Variants in CREBBP observed in about 807,000 individuals in gnomAD.
CREBBP encodes CREB binding lysine acetyltransferase.
Under a neutral mutation model 265.0 loss-of-function variants are expected in CREBBP, and 19 were observed. That is an observed-to-expected ratio of 0.07 (90% CI 0.05 to 0.11). The LOEUF is 0.11. Ranked by LOEUF, CREBBP falls within the 10% of genes least tolerant of loss-of-function variation. The probability of loss-of-function intolerance (pLI) is 1.00; values close to 1 mark genes in which losing one functional copy is unlikely to be tolerated. For missense variants in CREBBP, 2,525 were observed against 3,219.0 expected, an observed-to-expected ratio of 0.78 and a Z score of 5.22; for synonymous variants, 1,457 against 1,223.7, an observed-to-expected ratio of 1.19 and a Z score of -3.98.
intron 16 of CREBBP, among the ~76,000 whole-genome samples, chr16:3,763,123 T>C (rs1197106337): frequency 6.6e-6 from 1 of 151,938 alleles, no homozygotes; most frequent in Non-Finnish European, 1.5e-5. Context: ...CCTAGGCCCT[T>C]CTATGTGCTG....
chr16:3,777,415 G>C (rs1038805586), intron 11 of CREBBP, among the ~76,000 whole-genome samples, 198 bp downstream of exon 11: 10 of 152,102 alleles, frequency 6.6e-5, no homozygotes, highest in Non-Finnish European at 1.2e-4. Context: ...TCTCTTGGAA[G>C]ATCTTTCCTA....
intron 2 of CREBBP, among the ~76,000 whole-genome samples, chr16:3,828,251 C>A (rs777123615): frequency 6.6e-6 from 1 of 152,152 alleles, no homozygotes; most frequent in Non-Finnish European, 1.5e-5. Flanking sequence ...TGCCACCATG[C>A]CCAGCTAATT....
Position 3,738,743 on chromosome 16 carries a change from A to C in CREBBP, c.4281-71T>G, listed in dbSNP as rs188191441. 2.7e-4 allele frequency: 265 copies of C among 974,588 alleles called. No homozygotes were observed. In the African/African-American group the frequency reaches 3.5e-3, roughly 13 times the overall value. The allele number at this position is 974,588 out of a possible 1,614,324, so 60.4% of individuals were successfully genotyped here. A position where few individuals can be genotyped will look rare whatever the true frequency, so the allele number is the denominator to read the frequency against. On this transcript the variant is annotated intron_variant, in intron 25 of 30. Coordinates refer to ENST00000262367, the MANE Select transcript of CREBBP (RefSeq NM_004380.3). ...TGAAATCAAACACAAGCAACAAACAACACCCTGGAAGTTTACTTTTTAGAC... is the reference window on the plus strand; with the variant it reads ...TGAAATCAAACACAAGCAACAAACACCACCCTGGAAGTTTACTTTTTAGAC...
At chr16:3,784,577 T>C (rs1231314258) in intron 5 of CREBBP, 3 of 152,226 alleles carry the variant, frequency 2.0e-5, no homozygotes, top group African/African-American at 7.2e-5. Context: ...AGTGGTAGGA[T>C]AGTTTATTTT....
chr16:3,727,903 A>G lies in CREBBP; in HGVS notation c.7144T>C (p.Ser2382Pro). The G allele has an allele frequency of 6.2e-7, 1 of 1,612,288 alleles. No homozygotes were observed. The highest frequency in any genetic ancestry group is 8.5e-7 in the Non-Finnish European group (1 of 1,179,028). ...SPHHVSPQTGSPHPGLAVTMA... is the reference protein window; with the variant it reads ...SPHHVSPQTGPPHPGLAVTMA... ...GTGACTGCGAGTCCGGGGTGGGGGG[A>G]ACCAGTCTGGGGTGAGACGTGGTGT... is the stretch of plus-strand genomic sequence containing the variant. Residue 2382 changes from serine to proline, a missense_variant, in exon 31 of 31, where the codon TCC becomes CCC. Transcript: ENST00000262367.
At position 3,727,506 on chromosome 16, in the gene CREBBP, CA is replaced by C. The variant is rs949249041; in HGVS notation, c.*211del. 1.7e-4 allele frequency: 24 copies of C among 140,714 alleles called. No homozygotes were observed. The highest frequency in any genetic ancestry group is 2.8e-4 in the South Asian group (1 of 3,616). The allele number at this position is 140,714 out of a possible 1,614,324, so 8.7% of individuals were successfully genotyped here. ...AAAAGAACCCCCCCCACCCCCCCGC[CA>C]AAAAAAAACCAAAGAGAGAGACCAG... is the stretch of plus-strand genomic sequence containing the variant. On this transcript the variant is annotated 3_prime_UTR_variant, in exon 31 of 31. Coordinates refer to ENST00000262367, the MANE Select transcript of CREBBP (RefSeq NM_004380.3).
At chr16:3,739,527 T>G in intron 25 of CREBBP, 51 bp downstream of exon 25, 10 of 1,611,648 alleles carry the variant, frequency 6.2e-6, no homozygotes, top group Non-Finnish European at 8.5e-6. Flanking sequence ...CCCTGGTCTA[T>G]CCTAACACGG....
chr16:3,739,339 G>T (rs1259310887), intron 25 of CREBBP: 13 of 555,018 alleles, frequency 2.3e-5, no homozygotes, highest in Non-Finnish European at 3.9e-5. Flanking sequence ...CCTGCGTTAG[G>T]TAAGAGCGGG....
chr16:3,728,322 G>T lies in CREBBP; in HGVS notation c.6725C>A (p.Pro2242Gln), dbSNP rs146514877. The T allele has an allele frequency of 6.2e-7, 1 of 1,612,388 alleles. No individual in the cohort carries two copies. Among genetic ancestry groups the T allele is most frequent in the Non-Finnish European group, 8.5e-7 (1 of 1,179,636 alleles). The change falls in exon 31 of 31, where the codon CCG (proline) becomes CAG (glutamine). Residue 2242 changes from proline to glutamine, a missense_variant. Coordinates refer to ENST00000262367, the MANE Select transcript of CREBBP (RefSeq NM_004380.3). This position sits in a 1 kb window ranked among gnomAD's most constrained non-coding sequence, Gnocchi z 8.7. ...CATGCGCTGCTGCTGCTGCATGGCC[G>T]GTGGGTAGCCTCCGGGTCCTTGAGG... The part of the protein sequence containing the change: ...QQPQGPGGYP[P>Q]AMQQQQRMQQ...
chr16:3,869,322 G>A (rs1399800678), intron 1 of CREBBP, among the ~76,000 whole-genome samples: 1 of 152,208 alleles, frequency 6.6e-6, no homozygotes, highest in African/African-American at 2.4e-5. Flanking sequence ...GATCGCCAGG[G>A]CCTACATCAC....
At chr16:3,871,199 T>A (rs12935018) in intron 1 of CREBBP, among the ~76,000 whole-genome samples, 11,263 of 49,628 alleles carry the variant, frequency 0.23, 603 homozygotes, top group African/African-American at 0.36. Flanking sequence ...TCTCTCTCAC[T>A]CACACACACA....
At chr16:3,734,090 C>T (rs982335349) in intron 28 of CREBBP, among the ~76,000 whole-genome samples, 8 of 152,184 alleles carry the variant, frequency 5.3e-5, no homozygotes, top group African/African-American at 1.7e-4. Flanking sequence ...CATTTGTCTC[C>T]GTGTTTGCGA....
At position 3,727,797 on chromosome 16, in the gene CREBBP, C is replaced by G. The variant is rs2151298292; in HGVS notation, c.7250G>C (p.Arg2417Thr). 6.2e-7 allele frequency: 1 copy of G among 1,614,222 alleles called. No individual in the cohort carries two copies. The highest frequency in any genetic ancestry group is 8.5e-7 in the Non-Finnish European group (1 of 1,180,056). Residue 2417 changes from arginine (R) to threonine (T), a missense_variant, in exon 31 of 31, where the codon AGG becomes ACG. Physicochemically the swap from Arg to Thr is moderately conservative, Grantham distance 71. Around this residue, in one of 19 missense-constraint regions of CREBBP, gnomAD observed 473 missense variants for 459.3 expected, o/e 1.03. Coordinates refer to ENST00000262367, the MANE Select transcript of CREBBP (RefSeq NM_004380.3). ...GGACAGTTCGCTGGACAGCGCACTC[C>G]TGCTGGGGGTGTTCAGCTGGGGGAG... is the stretch of plus-strand genomic sequence containing the variant. ...AMLPQLNTPSRSALSSELSLV... is the reference protein window; with the variant it reads ...AMLPQLNTPSTSALSSELSLV...
intron 2 of CREBBP, among the ~76,000 whole-genome samples, chr16:3,847,479 C>T (rs556631794): frequency 1.3e-5 from 2 of 152,232 alleles, no homozygotes; most frequent in East Asian, 3.9e-4. Flanking sequence ...TTCATTCCAC[C>T]CAAAGGCAAC....
At chr16:3,795,512 T>C (rs191240488) in intron 3 of CREBBP, among the ~76,000 whole-genome samples, 35 of 152,348 alleles carry the variant, frequency 2.3e-4, no homozygotes, top group Admixed American at 1.3e-3. Context: ...CTGTCTCAGA[T>C]AGTGGGCTGG....
At chr16:3,746,375 TGGC>T (rs1301029302) in intron 21 of CREBBP, among the ~76,000 whole-genome samples, 2 of 151,538 alleles carry the variant, frequency 1.3e-5, no homozygotes, top group African/African-American at 2.4e-5. Context: ...CACACACAAA[TGGC>T]GGCACCCGTT....
intron 21 of CREBBP, among the ~76,000 whole-genome samples, chr16:3,746,141 G>A (rs373727403): frequency 6.6e-6 from 1 of 152,264 alleles, no homozygotes; most frequent in South Asian, 2.1e-4. Flanking sequence ...GCATACCTCC[G>A]AGGATAGGCT....
At chr16:3,858,922 T>C (rs1049044339) in intron 1 of CREBBP, among the ~76,000 whole-genome samples, 1 of 152,226 alleles carries the variant, frequency 6.6e-6, no homozygotes, top group Non-Finnish European at 1.5e-5. Context: ...GAAATAAGCA[T>C]GTAAGAGTTC....
At chr16:3,745,428 G>A in intron 21 of CREBBP, 74 bp from the exon 22 acceptor site, 1 of 1,332,344 alleles carries the variant, frequency 7.5e-7, no homozygotes, top group South Asian at 1.2e-5. Flanking sequence ...AAGTCTGTGT[G>A]TGCGTCCACA....
Sources: gnomAD v4.1 joint callset for allele counts (sites outside exome capture counted in the v4.1 genomes callset) on GRCh38, gnomAD v4.1.1 for gene constraint, gnomAD v4.1.1 regional missense constraint, Gnocchi (gnomAD v3.1) non-coding constraint, MANE v1.5 for transcripts, NCBI Gene and HGNC (gene_info 2026-07-23, HGNC 2026-07-21) for gene names.